SLC66A2: variants seen among roughly 807,000 people sequenced by gnomAD.
SLC66A2 encodes PQ loop repeat containing 1.
Under a neutral mutation model 25.5 loss-of-function variants are expected in SLC66A2, and 23 were observed. That is an observed-to-expected ratio of 0.90 (90% CI 0.65 to 1.28). The LOEUF is 1.28. Among genes scored for constraint, SLC66A2 ranks in the 50% most tolerant of loss-of-function variants. The pLI is 0.00. For missense variants in SLC66A2, 396 were observed against 373.1 expected, an observed-to-expected ratio of 1.06 and a Z score of -0.51; for synonymous variants, 193 against 166.5, an observed-to-expected ratio of 1.16 and a Z score of -1.23.
At chr18:79,950,504 TTC>T (rs2051081263) in intron 2 of SLC66A2, among the ~76,000 whole-genome samples, 2 of 152,176 alleles carry the variant, frequency 1.3e-5, no homozygotes, top group Admixed American at 1.3e-4. Flanking sequence ...TCTGGAGATT[TTC>T]TCTGAGATTC....
intron 3 of SLC66A2, among the ~76,000 whole-genome samples, chr18:79,938,963 G>A (rs1404079017): frequency 2.6e-5 from 4 of 152,202 alleles, no homozygotes; most frequent in African/African-American, 4.8e-5. Context: ...GGCATGAGCC[G>A]CTGCGACCGG....
chr18:79,914,570 C>T (rs1400434993), intron 5 of SLC66A2, among the ~76,000 whole-genome samples: 1 of 150,664 alleles, frequency 6.6e-6, no homozygotes, highest in African/African-American at 2.4e-5. Context: ...GGGAGAGACA[C>T]CCCCTTGCCC....
In SLC66A2 at chr18:79,918,043, C is replaced by T. The variant is rs1332064591; in HGVS notation, c.608+1141G>A. Reference sequence around the variant, plus strand: ...CCACACCTATAACCCTGGCCTGCACCTACATCTCACCCCCTACCACCACCC... The same window carrying T: ...CCACACCTATAACCCTGGCCTGCACTTACATCTCACCCCCTACCACCACCC... On this transcript the variant is annotated intron_variant, in intron 5 of 5. Coordinates refer to ENST00000397778, the MANE Select transcript of SLC66A2 (RefSeq NM_025078.5). This position sits in a 1 kb window ranked among gnomAD's most constrained non-coding sequence, Gnocchi z 4.0. Among the ~76,000 whole-genome samples, 1 of 151,898 alleles carries T rather than the reference C, an allele frequency of 6.6e-6. No homozygotes were observed. The highest frequency in any genetic ancestry group is 6.6e-5 in the Admixed American group (1 of 15,260).
At chr18:79,945,365 CAG>C (rs2050891594) in intron 2 of SLC66A2, 1 of 152,456 alleles carries the variant, frequency 6.6e-6, no homozygotes, top group South Asian at 2.1e-4. Context: ...CTGGGGCAGA[CAG>C]GGGGCCAGAC....
intron 4 of SLC66A2, among the ~76,000 whole-genome samples, chr18:79,922,530 T>G (rs1334979231): frequency 6.6e-6 from 1 of 152,048 alleles, no homozygotes; most frequent in Non-Finnish European, 1.5e-5. Context: ...TGCCGCTCAG[T>G]AAATCCGTAC....
chr18:79,936,595 C>A (rs1987111061), intron 3 of SLC66A2, among the ~76,000 whole-genome samples: 2 of 152,336 alleles, frequency 1.3e-5, no homozygotes, highest in South Asian at 2.1e-4. Flanking sequence ...CAAGTAAATT[C>A]AACCACCTGA....
At chr18:79,905,233 C>T (rs1340098027) in intron 5 of SLC66A2, among the ~76,000 whole-genome samples, 1 of 152,386 alleles carries the variant, frequency 6.6e-6, no homozygotes, top group East Asian at 1.9e-4. Context: ...ACTGTTTCCA[C>T]TTGGGTCGGT....
chr18:79,942,328 T>C (rs1987746756), intron 3 of SLC66A2, among the ~76,000 whole-genome samples: 1 of 152,102 alleles, frequency 6.6e-6, no homozygotes, highest in Non-Finnish European at 1.5e-5. Context: ...CCAACGACAC[T>C]AACTGGCCCA....
At chr18:79,910,024 G>T (rs2123214640) in intron 5 of SLC66A2, among the ~76,000 whole-genome samples, 1 of 112,822 alleles carries the variant, frequency 8.9e-6, no homozygotes, top group African/African-American at 3.5e-5. Context: ...ACCCTCACCA[G>T]AGTCCCCAGA....
intron 4 of SLC66A2, among the ~76,000 whole-genome samples, chr18:79,924,418 G>A (rs578258626): frequency 3.3e-5 from 5 of 152,306 alleles, no homozygotes; most frequent in Admixed American, 1.3e-4. Context: ...GTCGGGGCTG[G>A]GGGAAGACGG....
intron 2 of SLC66A2, among the ~76,000 whole-genome samples, chr18:79,949,075 C>G (rs1353223038): frequency 6.6e-6 from 1 of 152,138 alleles, no homozygotes; most frequent in Non-Finnish European, 1.5e-5. Context: ...GGGACTCGGA[C>G]CCAAAATCCT....
chr18:79,905,868 T>TAAAC (rs1982053649), intron 5 of SLC66A2, among the ~76,000 whole-genome samples: 1 of 152,234 alleles, frequency 6.6e-6, no homozygotes, highest in East Asian at 1.9e-4. Context: ...GGTAACTCTG[T>TAAAC]AAACACACAC....
rs147771030 is a variant in SLC66A2, at chr18:79,908,544, A to G, written c.609-4361T>C. Among the ~76,000 whole-genome samples the G allele has an allele frequency of 1.6e-3, 250 of 152,276 alleles. 1 individual carries two copies. Among genetic ancestry groups the G allele is most frequent in the African/African-American group, 5.7e-3 (235 of 41,546 alleles). The stretch of plus-strand genomic sequence containing the variant: ...GGGATTCACTGAACTTCTTACATCT[A>G]TGTTTGTCTTTCACCAAATTTTGGG... On this transcript the variant is annotated intron_variant, in intron 5 of 5. Transcript: ENST00000397778.
chr18:79,916,971 G>A (rs1599535566), intron 5 of SLC66A2, among the ~76,000 whole-genome samples: 1 of 152,266 alleles, frequency 6.6e-6, no homozygotes, highest in African/African-American at 2.4e-5. Flanking sequence ...AACCGGCGGT[G>A]CCCGCCGCAG....
chr18:79,910,970 T>A (rs1983023785), intron 5 of SLC66A2, among the ~76,000 whole-genome samples: 1 of 152,206 alleles, frequency 6.6e-6, no homozygotes, highest in African/African-American at 2.4e-5. Context: ...GTCTGCAACT[T>A]GGAATGCCCC....
At chr18:79,912,491 TCACATATCGCCAGGC>T (rs1983377320) in intron 5 of SLC66A2, among the ~76,000 whole-genome samples, 3 of 151,970 alleles carry the variant, frequency 2.0e-5, no homozygotes, top group East Asian at 3.9e-4. Context: ...AAGCACAAGG[TCACATATCGCCAGGC>T]CACGTGTCGC....
rs114645281 is a variant in SLC66A2, at chr18:79,911,142, T to A, written c.609-6959A>T. 7.7e-3 allele frequency among the ~76,000 whole-genome samples: 1,165 copies of A among 152,212 alleles called. 13 individuals are homozygous for A. Among genetic ancestry groups the A allele is most frequent in the African/African-American group, 0.022 (924 of 41,532 alleles). On this transcript the variant is annotated intron_variant, in intron 5 of 5. Transcript: ENST00000397778. The stretch of plus-strand genomic sequence containing the variant: ...GGCTGCTTTGCTGTCTGGAGGGAAA[T>A]CGGGGGTCGGGGCCACTCCTGAGGC...
rs1981733560 is a variant in SLC66A2, at chr18:79,904,415, C to T, written c.609-232G>A. ...CAGGGGTCAGGGACACCCCAGGGGG[C>T]CAAAGGACACACCCTGACCCCACCT... On this transcript the variant is annotated intron_variant, in intron 5 of 5. Coordinates refer to ENST00000397778, the MANE Select transcript of SLC66A2 (RefSeq NM_025078.5). This position sits in a 1 kb window ranked among gnomAD's most constrained non-coding sequence, Gnocchi z 6.3. Among the ~76,000 whole-genome samples the T allele has an allele frequency of 6.6e-6, 1 of 151,920 alleles. No individual in the cohort carries two copies. Among genetic ancestry groups the T allele is most frequent in the South Asian group, 2.1e-4 (1 of 4,816 alleles).
rs76233767 is a variant in SLC66A2, at chr18:79,924,136, G to A, written c.392-4736C>T. Among the ~76,000 whole-genome samples the A allele has an allele frequency of 9.9e-3, 1,508 of 152,312 alleles. 94 individuals carry two copies. In the East Asian group the frequency reaches 0.16, roughly 16 times the overall value. On this transcript the variant is annotated intron_variant, in intron 4 of 5. Transcript: ENST00000397778. ...CCGGGCCGGCGGAGAGGCTCCCGAGGATGGCAGAGGGACAGCAGGGTGAGA... is the reference window on the plus strand; with the variant it reads ...CCGGGCCGGCGGAGAGGCTCCCGAGAATGGCAGAGGGACAGCAGGGTGAGA...
Sources: gnomAD v4.1 joint callset for allele counts (sites outside exome capture counted in the v4.1 genomes callset) on GRCh38, gnomAD v4.1.1 for gene constraint, Gnocchi (gnomAD v3.1) non-coding constraint, MANE v1.5 for transcripts, NCBI Gene and HGNC (gene_info 2026-07-23, HGNC 2026-07-21) for gene names.